Variants in ATG5 observed in about 807,000 individuals in gnomAD.
The protein encoded by ATG5 is autophagy protein 5.
ATG5 carries 14 observed loss-of-function variants against 36.5 expected under a neutral mutation model. The ratio of observed to expected loss-of-function variants is 0.38; its 90% confidence interval spans 0.25 to 0.60. The LOEUF is 0.60. Ranked by LOEUF, ATG5 falls within the 20% of genes least tolerant of loss-of-function variation. The probability of loss-of-function intolerance (pLI) is 0.60; values close to 1 mark genes in which losing one functional copy is unlikely to be tolerated. For synonymous variants in ATG5, 95 were observed against 101.5 expected (o/e 0.94, Z 0.38); for missense variants, 195 against 326.7 (o/e 0.60, Z 3.11).
chr6:106,194,074 G>A (rs2114323548), intron 7 of ATG5, among the ~76,000 whole-genome samples: 1 of 152,170 alleles, frequency 6.6e-6, no homozygotes, highest in East Asian at 1.9e-4. Context: ...TCCAGTAGTG[G>A]AGAATGAAAA....
intron 5 of ATG5, among the ~76,000 whole-genome samples, chr6:106,260,047 G>T (rs897222022): frequency 6.6e-5 from 10 of 152,176 alleles, no homozygotes; most frequent in Admixed American, 2.0e-4. Context: ...TCATAGGGGG[G>T]AACTGAAAAA....
intron 6 of ATG5, among the ~76,000 whole-genome samples, chr6:106,208,875 C>G (rs909276075): frequency 1.3e-5 from 2 of 152,062 alleles, no homozygotes; most frequent in African/African-American, 4.8e-5. Flanking sequence ...AAGACATGAA[C>G]AGACATTTTA....
At chr6:106,314,645 T>C (rs971437468) in intron 2 of ATG5, among the ~76,000 whole-genome samples, 1 of 152,120 alleles carries the variant, frequency 6.6e-6, no homozygotes, top group African/African-American at 2.4e-5. Flanking sequence ...TATACTCTTA[T>C]ACTCTCACAT....
intron 5 of ATG5, among the ~76,000 whole-genome samples, chr6:106,275,274 C>T (rs182564463): frequency 6.6e-6 from 1 of 152,332 alleles, no homozygotes; most frequent in Non-Finnish European, 1.5e-5. Flanking sequence ...ATATTTTCTA[C>T]AAGCAACATT....
chr6:106,256,745 C>A (rs926499718), intron 5 of ATG5, among the ~76,000 whole-genome samples: 1 of 152,118 alleles, frequency 6.6e-6, no homozygotes, highest in African/African-American at 2.4e-5. Context: ...GTATAGTGCA[C>A]GTACCATCAA....
At chr6:106,286,840 A>G (rs917915169) in intron 4 of ATG5, among the ~76,000 whole-genome samples, 1 of 152,172 alleles carries the variant, frequency 6.6e-6, no homozygotes, top group African/African-American at 2.4e-5. Context: ...CTACAACCAT[A>G]GGATATGAAT....
At chr6:106,320,068 T>A (rs566508987) in intron 1 of ATG5, among the ~76,000 whole-genome samples, 100 of 152,244 alleles carry the variant, frequency 6.6e-4, no homozygotes, top group Non-Finnish European at 1.3e-3. Flanking sequence ...AATGATAAAT[T>A]TGAGATGAGG....
intron 7 of ATG5, among the ~76,000 whole-genome samples, chr6:106,194,293 C>A (rs527623788): frequency 6.6e-6 from 1 of 152,234 alleles, no homozygotes; most frequent in Non-Finnish European, 1.5e-5. Context: ...TGCCATCACA[C>A]TGACAAATGT....
At chr6:106,290,423 C>T (rs563702658) in intron 4 of ATG5, among the ~76,000 whole-genome samples, 24 of 151,942 alleles carry the variant, frequency 1.6e-4, no homozygotes, top group South Asian at 4.2e-4. Flanking sequence ...TGGGCTAAAG[C>T]GATCCTCCTG....
chr6:106,193,978 T>C (rs1191005108), intron 7 of ATG5, among the ~76,000 whole-genome samples: 1 of 152,206 alleles, frequency 6.6e-6, no homozygotes, highest in Non-Finnish European at 1.5e-5. Context: ...GTCAGGTTAA[T>C]TCATTTAACT....
At chr6:106,308,301 G>A in intron 3 of ATG5, 63 bp downstream of exon 3, 1 of 1,374,094 alleles carries the variant, frequency 7.3e-7, no homozygotes, top group Non-Finnish European at 9.6e-7. Context: ...TTGTTTCAGG[G>A]CACTATACCT....
chr6:106,303,582 T>C (rs187740584), intron 3 of ATG5, among the ~76,000 whole-genome samples: 74 of 152,230 alleles, frequency 4.9e-4, no homozygotes, highest in African/African-American at 1.7e-3. Flanking sequence ...ATAACCCTAA[T>C]GCTAAATCAG....
chr6:106,308,308 AC>A, intron 3 of ATG5, 55 bp downstream of exon 3: 1 of 1,413,042 alleles, frequency 7.1e-7, no homozygotes, highest in Non-Finnish European at 9.3e-7. Context: ...AGGGCACTAT[AC>A]CTTTTTAAAG....
chr6:106,238,449 G>A (rs1287806148), intron 6 of ATG5, among the ~76,000 whole-genome samples: 1 of 152,102 alleles, frequency 6.6e-6, no homozygotes, highest in Non-Finnish European at 1.5e-5. Context: ...TGGGATTCTG[G>A]GAGCTAACCC....
chr6:106,274,110 T>C (rs1040682784), intron 5 of ATG5, among the ~76,000 whole-genome samples: 1 of 152,194 alleles, frequency 6.6e-6, no homozygotes, highest in African/African-American at 2.4e-5. Flanking sequence ...CCCGCCTTTT[T>C]GGGATTGTAT....
chr6:106,216,822 C>T (rs1777057256), intron 6 of ATG5, among the ~76,000 whole-genome samples: 1 of 152,072 alleles, frequency 6.6e-6, no homozygotes, highest in African/African-American at 2.4e-5. Flanking sequence ...GGCTGTACTG[C>T]ACTATGATCA....
rs1775709196 is a variant in ATG5 at position 106,184,896 on chromosome 6, CTT to C, written c.*1642_*1643del. 6.6e-6 allele frequency: 1 copy of C among 152,314 alleles called. No individual in the cohort carries two copies. Among genetic ancestry groups the C allele is most frequent in the Non-Finnish European group, 1.5e-5 (1 of 68,010 alleles). The allele number at this position is 152,314 out of a possible 1,614,324, so 9.4% of individuals were successfully genotyped here. A position where few individuals can be genotyped will look rare whatever the true frequency, so the allele number is the denominator to read the frequency against. On this transcript the variant is annotated 3_prime_UTR_variant, in exon 8 of 8. Coordinates refer to ENST00000369076, the MANE Select transcript of ATG5 (RefSeq NM_004849.4). ...CAAAATGAACCGACGAATAAACACT[CTT>C]AATGTGAACAATCATATTCAGACCA...
At position 106,199,787 on chromosome 6, in the gene ATG5, G is replaced by A. The variant is rs76675158; in HGVS notation, c.691+2185C>T. ...TTAATTGCTCCAAGATTTAATGATC[G>A]TAAATAATATGTTTCATGGTAATGA... On this transcript the variant is annotated intron_variant, in intron 7 of 7. Coordinates refer to ENST00000369076, the MANE Select transcript of ATG5 (RefSeq NM_004849.4). Among the ~76,000 whole-genome samples, 1,399 of 152,212 alleles carry A rather than the reference G, an allele frequency of 9.2e-3. 21 individuals carry two copies. Among genetic ancestry groups the A allele is most frequent in the African/African-American group, 0.032 (1,343 of 41,530 alleles).
chr6:106,269,767 G>A (rs1259720690), intron 5 of ATG5, among the ~76,000 whole-genome samples: 7 of 152,170 alleles, frequency 4.6e-5, no homozygotes, highest in African/African-American at 4.8e-5. Context: ...GCACATCCCC[G>A]GTTCCCGCTC....
Sources: allele counts gnomAD v4.1 joint callset (sites outside exome capture counted in the v4.1 genomes callset), GRCh38; gene constraint gnomAD v4.1.1; transcripts MANE v1.5; gene names NCBI Gene and HGNC (gene_info 2026-07-23, HGNC 2026-07-21).